SIM2: variants seen among roughly 807,000 people sequenced by gnomAD.
The protein encoded by SIM2 is SIM bHLH transcription factor 2.
Under a neutral mutation model 64.8 loss-of-function variants are expected in SIM2, and 28 were observed. The ratio of observed to expected loss-of-function variants is 0.43; its 90% CI spans 0.32 to 0.59. SIM2 has a LOEUF of 0.59. Ranked by LOEUF, SIM2 falls within the 20% of genes least tolerant of loss-of-function variation. The pLI is 0.07. For missense variants in SIM2, 847 were observed against 871.4 expected (o/e 0.97, Z 0.35); for synonymous variants, 408 against 391.1 (o/e 1.04, Z -0.51).
chr21:36,703,481 T>C (rs975574241), intron 1 of SIM2, among the ~76,000 whole-genome samples: 8 of 152,158 alleles, frequency 5.3e-5, no homozygotes, highest in Non-Finnish European at 1.0e-4. Flanking sequence ...TCCTGTGAGC[T>C]CCCCATATTC....
At position 36,719,948 on chromosome 21, in the gene SIM2, A is replaced by G. The variant is rs758109255; in HGVS notation, c.457+19A>G. 1.5e-5 allele frequency: 21 copies of G among 1,376,042 alleles called. No homozygotes were observed. Among genetic ancestry groups the G allele is most frequent in the South Asian group, 2.4e-5 (2 of 82,606 alleles). The allele number at this position is 1,376,042 out of a possible 1,614,324, so 85.2% of individuals were successfully genotyped here. A position where few individuals can be genotyped will look rare whatever the true frequency, so the allele number is the denominator to read the frequency against. ...CTCCAAGGTATTCCATCCAGAGGGA[A>G]AAAAAAAAACAGACTAAAAGCAAGG... is the stretch of plus-strand genomic sequence containing the variant. On this transcript the variant is annotated intron_variant, in intron 4 of 10. Coordinates refer to ENST00000290399, the MANE Select transcript of SIM2 (RefSeq NM_005069.6).
chr21:36,744,596 C>T, intron 9 of SIM2, 132 bp from the exon 10 acceptor site: 1 of 1,132,346 alleles, frequency 8.8e-7, no homozygotes, highest in African/African-American at 1.6e-5. Flanking sequence ...CCAGTGGGAC[C>T]TTGCAGTGGT....
At chr21:36,740,128 T>C (rs911243556) in intron 7 of SIM2, among the ~76,000 whole-genome samples, 3 of 151,398 alleles carry the variant, frequency 2.0e-5, no homozygotes, top group African/African-American at 7.3e-5. Context: ...TTTTTTTAGA[T>C]AAAATTCACC....
In SIM2 at chr21:36,723,177, A is replaced by G. The variant is rs749287659; in HGVS notation, c.543+47A>G. 1.7e-5 allele frequency: 26 copies of G among 1,489,236 alleles called. No individual in the cohort carries two copies. The Middle Eastern group carries it at 5.4e-4, about 31-fold the overall frequency. 92.3% of individuals were successfully genotyped at this position (1,489,236 alleles called of 1,614,324 possible). ...GGGAGGAGCTGGCTAAGGGTCTTCA[A>G]TGTGTGTTTTCAAGAGCGTCTGCAG... On this transcript the variant is annotated intron_variant, in intron 5 of 10. Transcript: ENST00000290399.
chr21:36,733,577 T>TC (rs1281034447), intron 7 of SIM2, among the ~76,000 whole-genome samples: 1 of 148,124 alleles, frequency 6.8e-6, no homozygotes, highest in African/African-American at 2.5e-5. Context: ...TTTTTTTTTT[T>TC]CAGACAGAGT....
At chr21:36,727,510 G>A (rs1406213657) in intron 6 of SIM2, among the ~76,000 whole-genome samples, 1 of 152,190 alleles carries the variant, frequency 6.6e-6, no homozygotes, top group African/African-American at 2.4e-5. Context: ...GTTCTTATTT[G>A]TAAAACAGCA....
Position 36,747,797 on chromosome 21 carries a change from G to T in SIM2, c.1709G>T (p.Arg570Leu). The stretch of plus-strand genomic sequence containing the variant: ...CGCCAGGCCGCCCGGGACGGGGCGC[G>T]GCTGGCGCTGGCCCGCGCGGCACCC... ...AARQAARDGA[R>L]LALARAAPEC... The change falls in exon 11 of 11, where the codon CGG becomes CTG. Residue 570 changes from arginine to leucine, a missense_variant. Arg to Leu is a moderately radical substitution (Grantham distance 102, BLOSUM62 -2). Transcript: ENST00000290399. The surrounding 1 kb of genome is among the most constrained non-coding windows in gnomAD (Gnocchi z 4.5). 9.6e-7 allele frequency: 1 copy of T among 1,043,026 alleles called. No individual in the cohort carries two copies. The highest frequency in any genetic ancestry group is 4.4e-5 in the South Asian group (1 of 22,782). 64.6% of individuals were successfully genotyped at this position (1,043,026 alleles called of 1,614,324 possible).
chr21:36,716,406 A>G (rs2088747386), intron 3 of SIM2, among the ~76,000 whole-genome samples: 1 of 152,170 alleles, frequency 6.6e-6, no homozygotes, highest in Non-Finnish European at 1.5e-5. Flanking sequence ...ACATAAAAGA[A>G]TGTCTTATTT....
chr21:36,720,208 C>G (rs1162136800), intron 4 of SIM2: 1 of 381,420 alleles, frequency 2.6e-6, no homozygotes, highest in Non-Finnish European at 4.9e-6. Context: ...TCCCCTCGTG[C>G]TCTTGGGTCA....
At chr21:36,746,724 T>G (rs1034678063) in intron 10 of SIM2, among the ~76,000 whole-genome samples, 3 of 152,214 alleles carry the variant, frequency 2.0e-5, no homozygotes, top group Non-Finnish European at 4.4e-5. Flanking sequence ...CTTGGGCCCC[T>G]CATATAACCA....
chr21:36,744,857 A>G lies in SIM2; in HGVS notation c.1297A>G (p.Thr433Ala). 1 of 1,614,204 alleles carries G rather than the reference A, an allele frequency of 6.2e-7. No homozygotes were observed. ...PHSESSDLLY[T>A]PSYSLPFSYH... The stretch of plus-strand genomic sequence containing the variant: ...CTCAGAAAGCAGTGACCTTCTGTAC[A>G]CGCCATCCTACAGCCTGCCCTTCTC... The change falls in exon 10 of 11, where the codon ACG (threonine) becomes GCG (alanine). Residue 433 changes from threonine (T) to alanine (A), a missense_variant. Coordinates refer to ENST00000290399, the MANE Select transcript of SIM2 (RefSeq NM_005069.6).
chr21:36,706,548 C>A (rs1285717577), intron 1 of SIM2, among the ~76,000 whole-genome samples: 2 of 152,252 alleles, frequency 1.3e-5, no homozygotes, highest in African/African-American at 2.4e-5. Flanking sequence ...CAGATGAGGA[C>A]CACGTGCTCA....
intron 7 of SIM2, 67 bp from the exon 8 acceptor site, chr21:36,741,650 T>A: frequency 6.3e-7 from 1 of 1,575,182 alleles, no homozygotes; most frequent in South Asian, 1.1e-5. Flanking sequence ...AGGTCACCGT[T>A]GGGGGCAGCA....
intron 3 of SIM2, 101 bp downstream of exon 3, chr21:36,712,723 T>G (rs2088694026): frequency 3.9e-6 from 3 of 761,574 alleles, no homozygotes; most frequent in Non-Finnish European, 6.6e-6. Context: ...TTTAAGTGTT[T>G]GCTTTTGTGT....
At chr21:36,743,654 C>A (rs1485858307) in intron 9 of SIM2, 99 bp downstream of exon 9, 3 of 1,169,012 alleles carry the variant, frequency 2.6e-6, no homozygotes, top group Non-Finnish European at 3.7e-6. Context: ...CATTGCACAG[C>A]AGGGATCTCC....
intron 5 of SIM2, among the ~76,000 whole-genome samples, chr21:36,725,441 C>A (rs1348600239): frequency 6.6e-6 from 1 of 152,192 alleles, no homozygotes; most frequent in Admixed American, 6.5e-5. Flanking sequence ...TGGTAAGCAG[C>A]ATCGTCAGTG....
In SIM2 at chr21:36,736,998, C is replaced by T. The variant is rs373263560; in HGVS notation, c.851-4719C>T. ...CTGGAATACAGTAGCGTGGTCGGAG[C>T]TCACTCTAACCTTGAACTTCTGGCC... On this transcript the variant is annotated intron_variant, in intron 7 of 10. Transcript: ENST00000290399. Among the ~76,000 whole-genome samples the T allele has an allele frequency of 8.5e-5, 13 of 152,180 alleles. 2 individuals carry two copies. Among genetic ancestry groups the T allele is most frequent in the Admixed American group, 5.2e-4 (8 of 15,284 alleles).
At chr21:36,721,999 C>T (rs1415992452) in intron 4 of SIM2, among the ~76,000 whole-genome samples, 2 of 152,148 alleles carry the variant, frequency 1.3e-5, no homozygotes, top group Non-Finnish European at 2.9e-5. Flanking sequence ...CCCAAGTGCT[C>T]GATTTTCTCC....
At position 36,702,942 on chromosome 21, in the gene SIM2, G is replaced by GAAAAAAAA. The variant is rs571164346; in HGVS notation, c.175+3027_175+3034dup. Among the ~76,000 whole-genome samples, 2 of 143,248 alleles carry GAAAAAAAA rather than the reference G, an allele frequency of 1.4e-5. 1 individual carries two copies. Among genetic ancestry groups the GAAAAAAAA allele is most frequent in the East Asian group, 4.1e-4 (2 of 4,822 alleles). The allele number at this position is 143,248 out of a possible 152,430, so 94.0% of individuals were successfully genotyped here. ...GACCAGCTTAGGACTCTGGGAGGAAGAAAAAAAAAAAAAGAATAGCATAGT... is the reference window on the plus strand; with the variant it reads ...GACCAGCTTAGGACTCTGGGAGGAAGAAAAAAAAAAAAAAAAAAAAAGAATAGCATAGT... On this transcript the variant is annotated intron_variant, in intron 1 of 10. Transcript: ENST00000290399.
Sources: gnomAD v4.1 joint callset for allele counts (sites outside exome capture counted in the v4.1 genomes callset) on GRCh38, gnomAD v4.1.1 for gene constraint, Gnocchi (gnomAD v3.1) non-coding constraint, MANE v1.5 for transcripts, NCBI Gene and HGNC (gene_info 2026-07-23, HGNC 2026-07-21) for gene names.